Variants in ANKRD17 observed in about 807,000 individuals in gnomAD.
ANKRD17 encodes the protein ankyrin repeat domain 17.
Under a neutral mutation model 229.7 loss-of-function variants are expected in ANKRD17, and 19 were observed. The ratio of observed to expected loss-of-function variants is 0.08; its 90% CI spans 0.06 to 0.12. The LOEUF (loss-of-function observed/expected upper bound fraction) is 0.12, where lower values mean the gene tolerates loss of function less well. Ranked by LOEUF, ANKRD17 falls within the 10% of genes least tolerant of loss-of-function variation. ANKRD17 has a pLI of 1.00. For synonymous variants in ANKRD17, 1,112 were observed against 1,146.1 expected, an observed-to-expected ratio of 0.97 and a Z score of 0.60; for missense variants, 2,176 against 3,176.8, an observed-to-expected ratio of 0.68 and a Z score of 7.57.
chr4:73,118,550 A>AT lies in ANKRD17; in HGVS notation c.4188+137dup. 7 of 941,336 alleles carry AT rather than the reference A, an allele frequency of 7.4e-6. No homozygotes were observed. In the South Asian group the frequency reaches 1.0e-4, roughly 14 times the overall value. 58.3% of individuals were successfully genotyped at this position (941,336 alleles called of 1,614,324 possible). ...GTATATATCTACATTTAATGTTGCC[A>AT]TAAGAGTAATTATTTGCATATTATT... is the stretch of plus-strand genomic sequence containing the variant. On this transcript the variant is annotated intron_variant, in intron 22 of 33. Coordinates refer to ENST00000358602, the MANE Select transcript of ANKRD17 (RefSeq NM_032217.5).
intron 29 of ANKRD17, among the ~76,000 whole-genome samples, chr4:73,090,278 T>C (rs1578012497): frequency 6.6e-6 from 1 of 152,018 alleles, no homozygotes; most frequent in South Asian, 2.1e-4. Flanking sequence ...GGCATGGTGG[T>C]GCACGTCTGT....
chr4:73,253,530 C>G (rs1745207313), intron 1 of ANKRD17, among the ~76,000 whole-genome samples: 1 of 152,152 alleles, frequency 6.6e-6, no homozygotes, highest in Non-Finnish European at 1.5e-5. Flanking sequence ...ACCATTTATA[C>G]CATTTACATG....
intron 9 of ANKRD17, 87 bp from the exon 10 acceptor site, chr4:73,146,960 C>A: frequency 9.6e-7 from 1 of 1,038,896 alleles, no homozygotes; most frequent in Non-Finnish European, 1.4e-6. Context: ...CTAGATAAGT[C>A]ATACCTCCTC....
intron 1 of ANKRD17, among the ~76,000 whole-genome samples, chr4:73,185,542 G>GA (rs1736179460): frequency 6.6e-6 from 1 of 151,882 alleles, no homozygotes; most frequent in African/African-American, 2.4e-5. Context: ...AGTCAATGCA[G>GA]AAAAATCCCT....
chr4:73,170,242 T>C (rs1480489205), intron 2 of ANKRD17, among the ~76,000 whole-genome samples: 1 of 151,882 alleles, frequency 6.6e-6, no homozygotes, highest in African/African-American at 2.4e-5. Flanking sequence ...TTAGCCACAG[T>C]AGGATAGGGC....
intron 29 of ANKRD17, among the ~76,000 whole-genome samples, chr4:73,088,051 A>G (rs552688729): frequency 6.6e-6 from 1 of 152,304 alleles, no homozygotes; most frequent in Non-Finnish European, 1.5e-5. Context: ...GAATATATTA[A>G]TAAATGTGGA....
chr4:73,133,007 G>C (rs1256848157), intron 16 of ANKRD17, among the ~76,000 whole-genome samples: 1 of 152,140 alleles, frequency 6.6e-6, no homozygotes. Flanking sequence ...AGCACTTTGG[G>C]TGGCTAATGC....
chr4:73,200,994 G>C (rs375308993), intron 1 of ANKRD17, among the ~76,000 whole-genome samples: 6 of 95,022 alleles, frequency 6.3e-5, no homozygotes, highest in Non-Finnish European at 1.2e-4. Flanking sequence ...GGGCGGGGGG[G>C]GGGGGAGATT....
intron 3 of ANKRD17, among the ~76,000 whole-genome samples, chr4:73,157,598 C>T (rs1354594950): frequency 6.6e-6 from 1 of 152,074 alleles, no homozygotes; most frequent in African/African-American, 2.4e-5. Context: ...AAATATGGCC[C>T]TTTCATTTCA....
At chr4:73,246,277 T>G (rs74331770) in intron 1 of ANKRD17, among the ~76,000 whole-genome samples, 1 of 152,158 alleles carries the variant, frequency 6.6e-6, no homozygotes. Flanking sequence ...ATTCTTCCCT[T>G]CTCTAGAAGA....
chr4:73,112,624 A>C (rs1725451514), intron 24 of ANKRD17: 1 of 553,680 alleles, frequency 1.8e-6, no homozygotes, highest in Non-Finnish European at 2.3e-6. Flanking sequence ...CAAATGATTC[A>C]TATTAATGTA....
intron 30 of ANKRD17, among the ~76,000 whole-genome samples, chr4:73,079,456 G>A (rs966946101): frequency 4.6e-5 from 7 of 151,804 alleles, no homozygotes; most frequent in South Asian, 2.1e-4. Flanking sequence ...GCAGAGGCTC[G>A]ATCATAACTC....
At chr4:73,158,816 T>C (rs1033915756) in intron 3 of ANKRD17, among the ~76,000 whole-genome samples, 2 of 152,244 alleles carry the variant, frequency 1.3e-5, no homozygotes, top group African/African-American at 2.4e-5. Flanking sequence ...CTAGCACACT[T>C]AGCCTACTTG....
Position 73,085,176 on chromosome 4 carries a change from A to G in ANKRD17, c.7159+73T>C, listed in dbSNP as rs1721989842. ...ACCTTTTTATGGTATTAAAATTATG[A>G]TGAGGTTTGAAACCTGCTGTTTTTA... On this transcript the variant is annotated intron_variant, in intron 30 of 33. Coordinates refer to ENST00000358602, the MANE Select transcript of ANKRD17 (RefSeq NM_032217.5). 1.2e-5 allele frequency: 17 copies of G among 1,455,516 alleles called. No individual in the cohort carries two copies. The South Asian group carries it at 1.6e-4, about 14-fold the overall frequency. 90.2% of individuals were successfully genotyped at this position (1,455,516 alleles called of 1,614,324 possible). A position where few individuals can be genotyped will look rare whatever the true frequency, so the allele number is the denominator to read the frequency against.
intron 11 of ANKRD17, among the ~76,000 whole-genome samples, chr4:73,143,822 T>A (rs1454118981): frequency 6.6e-6 from 1 of 152,098 alleles, no homozygotes; most frequent in East Asian, 1.9e-4. Context: ...CTCACTATAA[T>A]CTTGAACTCC....
intron 1 of ANKRD17, among the ~76,000 whole-genome samples, chr4:73,221,458 C>T (rs910905445): frequency 3.3e-5 from 5 of 152,008 alleles, no homozygotes; most frequent in Non-Finnish European, 7.4e-5. Context: ...TTTTAAATGG[C>T]TAAGAAAAAT....
chr4:73,140,404 A>C, intron 14 of ANKRD17, 121 bp from the exon 15 acceptor site: 1 of 965,902 alleles, frequency 1.0e-6, no homozygotes, highest in Non-Finnish European at 1.4e-6. Context: ...AACAGGTGAA[A>C]ATGCACTGTT....
At chr4:73,179,510 ATATATATATTTTTT>A in intron 1 of ANKRD17, among the ~76,000 whole-genome samples, 1 of 77,010 alleles carries the variant, frequency 1.3e-5, no homozygotes, top group African/African-American at 4.3e-5. Flanking sequence ...ATATATATAT[ATATATATATTTTTT>A]TTTTTTTTTT....
intron 27 of ANKRD17, among the ~76,000 whole-genome samples, chr4:73,096,397 A>C (rs1198580690): frequency 6.6e-6 from 1 of 152,230 alleles, no homozygotes; most frequent in Non-Finnish European, 1.5e-5. Flanking sequence ...AAATAGAGAC[A>C]GAAATAAACA....
Sources: gnomAD v4.1 joint callset for allele counts (sites outside exome capture counted in the v4.1 genomes callset) on GRCh38, gnomAD v4.1.1 for gene constraint, MANE v1.5 for transcripts, NCBI Gene and HGNC (gene_info 2026-07-23, HGNC 2026-07-21) for gene names.